The following NEMP1 variants were observed in gnomAD, a reference collection of about 807,000 sequenced individuals.
NEMP1 encodes the protein nuclear envelope integral membrane protein 1.
Under a neutral mutation model 53.7 loss-of-function variants are expected in NEMP1, and 29 were observed. That is an observed-to-expected ratio of 0.54 (90% CI 0.40 to 0.74). The LOEUF is 0.74. Among genes scored for constraint, NEMP1 ranks in the 30% least tolerant of loss-of-function variants. The probability of loss-of-function intolerance (pLI) is 0.00; values close to 1 mark genes in which losing one functional copy is unlikely to be tolerated. For missense variants in NEMP1, 477 were observed against 528.6 expected, an observed-to-expected ratio of 0.90 and a Z score of 0.96; for synonymous variants, 193 against 192.9, an observed-to-expected ratio of 1.00 and a Z score of 0.00.
At chr12:57,064,043 A>T in intron 6 of NEMP1, 28 bp downstream of exon 6, 1 of 1,445,712 alleles carries the variant, frequency 6.9e-7, no homozygotes, top group Non-Finnish European at 9.6e-7. Context: ...TAAACGTACA[A>T]AAGGAAAGCA....
chr12:57,084,732 TA>T (rs1197127201), intron 1 of NEMP1, among the ~76,000 whole-genome samples: 3 of 152,160 alleles, frequency 2.0e-5, no homozygotes, highest in Non-Finnish European at 2.9e-5. Flanking sequence ...AAGACACAAA[TA>T]ACTATAATAA....
upstream of NEMP1, chr12:57,078,864 G>A (rs530291953): frequency 1.6e-5 from 19 of 1,184,200 alleles, no homozygotes; most frequent in African/African-American, 2.9e-4. Context: ...GATGGGCAGG[G>A]CTTCGAGCAC....
chr12:57,067,113 CAGG>C (rs1202820514), intron 4 of NEMP1, among the ~76,000 whole-genome samples: 6 of 152,234 alleles, frequency 3.9e-5, no homozygotes, highest in South Asian at 2.1e-4. Context: ...ATCATGAGGT[CAGG>C]AGATCGAGAC....
At chr12:57,080,896 A>C (rs1271484215), upstream of NEMP1, among the ~76,000 whole-genome samples, 1 of 150,662 alleles carries the variant, frequency 6.6e-6, no homozygotes. Context: ...CTTGTCTCAA[A>C]AAAAAAAAAA....
At chr12:57,083,922 C>T (rs1238293586) in intron 1 of NEMP1, among the ~76,000 whole-genome samples, 1 of 151,726 alleles carries the variant, frequency 6.6e-6, no homozygotes, top group Non-Finnish European at 1.5e-5. Context: ...TACAGGCGCC[C>T]GCCACCACGC....
intron 3 of NEMP1, 62 bp downstream of exon 3, chr12:57,070,612 A>G: frequency 7.2e-7 from 1 of 1,391,878 alleles, no homozygotes; most frequent in African/African-American, 1.4e-5. Context: ...CACTAATTAT[A>G]CCCTTCAGAA....
chr12:57,082,126 G>A (rs372860568), upstream of NEMP1, among the ~76,000 whole-genome samples: 1 of 151,906 alleles, frequency 6.6e-6, no homozygotes, highest in East Asian at 1.9e-4. Context: ...TGAGGCAGGA[G>A]AATCACTTGA....
chr12:57,066,394 TTTCC>T (rs1267197974), intron 4 of NEMP1, among the ~76,000 whole-genome samples: 4 of 152,342 alleles, frequency 2.6e-5, no homozygotes, highest in African/African-American at 9.6e-5. Context: ...GCACTTTTAA[TTTCC>T]TTCAAGAACT....
chr12:57,069,445 C>T, intron 3 of NEMP1, 139 bp from the exon 4 acceptor site: 1 of 588,062 alleles, frequency 1.7e-6, no homozygotes, highest in Non-Finnish European at 3.0e-6. Flanking sequence ...ATTTAAATTT[C>T]ACCTAAAGCC....
At chr12:57,075,404 T>C (rs1355736641) in intron 1 of NEMP1, among the ~76,000 whole-genome samples, 2 of 142,896 alleles carry the variant, frequency 1.4e-5, no homozygotes, top group Non-Finnish European at 3.0e-5. Context: ...AATAAATAAA[T>C]AAATAAATAA....
chr12:57,087,609 G>C (rs1424846815), intron 1 of NEMP1, among the ~76,000 whole-genome samples: 3 of 151,804 alleles, frequency 2.0e-5, no homozygotes, highest in African/African-American at 4.8e-5. Flanking sequence ...TGGAGAAGAG[G>C]ACCTGAGCAA....
rs1401394486 is a variant in NEMP1 at position 57,055,939 on chromosome 12, AAC to A, written c.*3938_*3939del. 1.3e-5 allele frequency: 2 copies of A among 152,370 alleles called. No individual in the cohort carries two copies. Among genetic ancestry groups the A allele is most frequent in the Middle Eastern group, 3.4e-3 (1 of 294 alleles). 9.4% of individuals were successfully genotyped at this position (152,370 alleles called of 1,614,324 possible). A position where few individuals can be genotyped will look rare whatever the true frequency, so the allele number is the denominator to read the frequency against. ...GAAAATTATGGTAACTGCAGGCTGT[AAC>A]AGTTTCTAATATTCACATTATGAAC... is the stretch of plus-strand genomic sequence containing the variant. On this transcript the variant is annotated 3_prime_UTR_variant, in exon 9 of 9. Transcript: ENST00000300128.
chr12:57,077,123 G>C (rs1188806635), intron 1 of NEMP1, among the ~76,000 whole-genome samples: 1 of 152,034 alleles, frequency 6.6e-6, no homozygotes, highest in Non-Finnish European at 1.5e-5. Flanking sequence ...ACGAGGTCAG[G>C]AGATCAAGAC....
Position 57,056,025 on chromosome 12 carries a change from C to T in NEMP1, c.*3854G>A, listed in dbSNP as rs2136471161. 6.6e-6 allele frequency: 1 copy of T among 152,294 alleles called. No individual in the cohort carries two copies. Among genetic ancestry groups the T allele is most frequent in the South Asian group, 2.1e-4 (1 of 4,824 alleles). The allele number at this position is 152,294 out of a possible 1,614,324, so 9.4% of individuals were successfully genotyped here. On this transcript the variant is annotated 3_prime_UTR_variant, in exon 9 of 9. Coordinates refer to ENST00000300128, the MANE Select transcript of NEMP1 (RefSeq NM_001130963.2). ...CTATAGGCAAATTCAGAGGTGATTT[C>T]ACCATTTTCAAATTATCATCAAGAG...
In NEMP1 at chr12:57,072,896, A is replaced by G. The variant is rs1235500989; in HGVS notation, c.144T>C (p.Asn48=). ...CTTGGGATTCCTGAAGCATGACCAC[A>G]TTTACATCAGTTTCAGCTTTATGCA... is the stretch of plus-strand genomic sequence containing the variant. ...LVYGTAETDV[N]VVMLQESQVC... The change falls in exon 2 of 9, where the codon AAT becomes AAC. Residue 48 remains asparagine (N), a synonymous_variant. Coordinates refer to ENST00000300128, the MANE Select transcript of NEMP1 (RefSeq NM_001130963.2). 2 of 1,612,160 alleles carry G rather than the reference A, an allele frequency of 1.2e-6. No homozygotes were observed. Among genetic ancestry groups the G allele is most frequent in the Non-Finnish European group, 1.7e-6 (2 of 1,179,184 alleles).
rs1329735056 is a variant in NEMP1 at position 57,072,859 on chromosome 12, G to A, written c.181C>T (p.Arg61Cys). Residue 61 changes from arginine (R) to cysteine (C), a missense_variant, in exon 2 of 9, where the codon CGT becomes TGT. Physicochemically the swap from Arg to Cys is radical, Grantham distance 180 (BLOSUM62 -3). Coordinates refer to ENST00000300128, the MANE Select transcript of NEMP1 (RefSeq NM_001130963.2). Reference protein sequence around the residue: ...MLQESQVCEKRASQQFCYTNV... With the variant: ...MLQESQVCEKCASQQFCYTNV... Reference sequence around the variant, plus strand: ...GTGTAACAGAATTGTTGGCTGGCACGCTTTTCACAAACTTGGGATTCCTGA... The same window carrying A: ...GTGTAACAGAATTGTTGGCTGGCACACTTTTCACAAACTTGGGATTCCTGA... 5.0e-6 allele frequency: 8 copies of A among 1,613,272 alleles called. No individual in the cohort carries two copies. The highest frequency in any genetic ancestry group is 4.5e-5 in the East Asian group (2 of 44,866).
Position 57,058,821 on chromosome 12 carries a change from G to C in NEMP1, c.*1058C>G, listed in dbSNP as rs376847431. 4 of 152,280 alleles carry C rather than the reference G, an allele frequency of 2.6e-5. No homozygotes were observed. In the South Asian group the frequency reaches 8.3e-4, roughly 32 times the overall value. 9.4% of individuals were successfully genotyped at this position (152,280 alleles called of 1,614,324 possible). On this transcript the variant is annotated 3_prime_UTR_variant, in exon 9 of 9. Coordinates refer to ENST00000300128, the MANE Select transcript of NEMP1 (RefSeq NM_001130963.2). The stretch of plus-strand genomic sequence containing the variant: ...TATGGGTGGTGAGAAAAGGCTGAAA[G>C]GAATGGACAGAGCATGTAGACAAAG...
At chr12:57,073,059 AG>A (rs2032425779) in intron 1 of NEMP1, 147 bp from the exon 2 acceptor site, 1 of 594,696 alleles carries the variant, frequency 1.7e-6, no homozygotes, top group Admixed American at 3.6e-5. Context: ...ACTGAGAAGA[AG>A]GAAGAACTAA....
rs753800086 is a variant in NEMP1 at position 57,070,907 on chromosome 12, A to G, written c.253-14T>C. 3.2e-6 allele frequency: 5 copies of G among 1,567,606 alleles called. No homozygotes were observed. Among genetic ancestry groups the G allele is most frequent in the Non-Finnish European group, 4.3e-6 (5 of 1,150,460 alleles). On this transcript the variant is annotated splice_polypyrimidine_tract_variant and intron_variant, in intron 2 of 8. Coordinates refer to ENST00000300128, the MANE Select transcript of NEMP1 (RefSeq NM_001130963.2). ...ATTTACTCGGATCTGTAACACAAAT[A>G]AAATCAGGATGAGAAAAAAGGAAGT...
Sources: allele counts gnomAD v4.1 joint callset (sites outside exome capture counted in the v4.1 genomes callset), GRCh38; gene constraint gnomAD v4.1.1; transcripts MANE v1.5; gene names NCBI Gene and HGNC (gene_info 2026-07-23, HGNC 2026-07-21).